Variants in DLGAP2 observed in about 807,000 individuals in gnomAD.
DLGAP2 encodes the protein disks large-associated protein 2.
DLGAP2 carries 26 observed loss-of-function variants against 100.3 expected under a neutral mutation model. That is an observed-to-expected ratio of 0.26 (90% CI 0.19 to 0.36). DLGAP2 has a LOEUF of 0.36. DLGAP2 is among the 10% of genes least tolerant of loss of function. The pLI is 1.00. For missense variants in DLGAP2, 1,858 were observed against 1,453.2 expected, an observed-to-expected ratio of 1.28 and a Z score of -4.53; for synonymous variants, 886 against 630.1, an observed-to-expected ratio of 1.41 and a Z score of -6.08.
chr8:1,128,364 G>A (rs1217439334), intron 2 of DLGAP2, among the ~76,000 whole-genome samples: 1 of 152,198 alleles, frequency 6.6e-6, no homozygotes, highest in African/African-American at 2.4e-5. Flanking sequence ...CCTGCTCCCG[G>A]TGTTGTGTTC....
intron 4 of DLGAP2, among the ~76,000 whole-genome samples, chr8:1,506,526 G>A (rs777964610): frequency 1.3e-5 from 2 of 152,188 alleles, no homozygotes; most frequent in African/African-American, 2.4e-5. Context: ...AAGGAGTGCG[G>A]ACCCAAAGAG....
chr8:931,677 C>T (rs1008704710), intron 2 of DLGAP2, among the ~76,000 whole-genome samples: 2 of 152,172 alleles, frequency 1.3e-5, no homozygotes, highest in South Asian at 2.1e-4. Context: ...AAGCCCTTCC[C>T]GTCGTCCTGG....
chr8:1,585,135 A>C (rs1796076211), intron 6 of DLGAP2, among the ~76,000 whole-genome samples: 1 of 152,108 alleles, frequency 6.6e-6, no homozygotes, highest in African/African-American at 2.4e-5. Flanking sequence ...CTTAGTTAAG[A>C]GGGAGGCTCC....
chr8:828,928 G>A (rs990596241), intron 1 of DLGAP2, among the ~76,000 whole-genome samples: 2 of 152,188 alleles, frequency 1.3e-5, no homozygotes, highest in African/African-American at 4.8e-5. Flanking sequence ...GTTCCAAGAA[G>A]CAACTCTGTA....
intron 3 of DLGAP2, among the ~76,000 whole-genome samples, chr8:1,356,272 C>T (rs1196679085): frequency 6.6e-6 from 1 of 152,210 alleles, no homozygotes; most frequent in Non-Finnish European, 1.5e-5. Context: ...CACCTGCTGT[C>T]AGCTGTCCTC....
At chr8:906,578 G>A (rs902138095) in intron 1 of DLGAP2, among the ~76,000 whole-genome samples, 9 of 152,200 alleles carry the variant, frequency 5.9e-5, no homozygotes, top group Admixed American at 4.6e-4. Context: ...GGGGCTAGGA[G>A]CTCATCAGGG....
At chr8:841,306 C>T (rs1341356394) in intron 1 of DLGAP2, among the ~76,000 whole-genome samples, 8 of 152,190 alleles carry the variant, frequency 5.3e-5, no homozygotes, top group Admixed American at 3.9e-4. Context: ...TTGTGATGGT[C>T]GCTCATCCTG....
intron 5 of DLGAP2, among the ~76,000 whole-genome samples, chr8:1,556,783 A>C (rs181159306): frequency 0.013 from 1,928 of 152,316 alleles, 36 homozygotes; most frequent in African/African-American, 0.043. Context: ...AGGAAAAACC[A>C]CAACAAACAA....
rs2132631434 is a variant in DLGAP2, at chr8:785,809, CCCTCAGG to C, written c.18+47986_18+47992del. Among the ~76,000 whole-genome samples the C allele has an allele frequency of 2.5e-5, 2 of 80,024 alleles. 1 individual carries two copies. Among genetic ancestry groups the C allele is most frequent in the South Asian group, 1.2e-3 (2 of 1,662 alleles). The allele number at this position is 80,024 out of a possible 152,430, so 52.5% of individuals were successfully genotyped here. On this transcript the variant is annotated intron_variant, in intron 1 of 14. Transcript: ENST00000637795. ...CCCTCTGAGACCGGCCTCCCTCCTCCCCTCAGGCTCCTCTGAGACCGGCCTCCCTCCT... is the reference window on the plus strand; with the variant it reads ...CCCTCTGAGACCGGCCTCCCTCCTCCCTCCTCTGAGACCGGCCTCCCTCCT...
chr8:1,190,166 G>A (rs75208400), intron 2 of DLGAP2, among the ~76,000 whole-genome samples: 161 of 152,262 alleles, frequency 1.1e-3, no homozygotes, highest in African/African-American at 3.8e-3. Context: ...TTGCACTTTA[G>A]ATAAATAGAT....
At chr8:1,407,718 G>T (rs1796608339) in intron 3 of DLGAP2, among the ~76,000 whole-genome samples, 1 of 124,926 alleles carries the variant, frequency 8.0e-6, no homozygotes, top group African/African-American at 3.0e-5. Flanking sequence ...GTCGTGTATT[G>T]AGTGCTTACT....
intron 2 of DLGAP2, among the ~76,000 whole-genome samples, chr8:1,163,566 G>C (rs1796933660): frequency 6.6e-6 from 1 of 152,224 alleles, no homozygotes; most frequent in South Asian, 2.1e-4. Flanking sequence ...AGGTGCTTTT[G>C]GGGCAGAGAG....
At chr8:919,949 T>C (rs1438572911) in intron 2 of DLGAP2, among the ~76,000 whole-genome samples, 5 of 152,138 alleles carry the variant, frequency 3.3e-5, no homozygotes, top group African/African-American at 1.2e-4. Flanking sequence ...ATAACTAGCA[T>C]TGGGGTCCCC....
intron 1 of DLGAP2, among the ~76,000 whole-genome samples, chr8:744,058 C>T (rs1820552923): frequency 6.6e-6 from 1 of 152,232 alleles, no homozygotes; most frequent in African/African-American, 2.4e-5. Flanking sequence ...CCTGTTTTAG[C>T]TGAAGGAAGT....
chr8:772,858 T>C (rs1361443966), intron 1 of DLGAP2, among the ~76,000 whole-genome samples: 8 of 152,166 alleles, frequency 5.3e-5, no homozygotes, highest in Admixed American at 3.3e-4. Context: ...TCAGAGGGTT[T>C]TGTGTGTATG....
intron 2 of DLGAP2, among the ~76,000 whole-genome samples, chr8:1,026,354 A>G (rs963567119): frequency 1.6e-4 from 25 of 152,080 alleles, no homozygotes; most frequent in Non-Finnish European, 2.6e-4. Context: ...TGCCGTTCAC[A>G]TGGAAGCTCC....
chr8:1,308,714 T>C (rs1052894793), intron 3 of DLGAP2, among the ~76,000 whole-genome samples: 1 of 152,138 alleles, frequency 6.6e-6, no homozygotes, highest in Non-Finnish European at 1.5e-5. Flanking sequence ...TAATAGAAAT[T>C]AGGTTTCCCC....
At chr8:995,988 C>T (rs994565291) in intron 2 of DLGAP2, among the ~76,000 whole-genome samples, 2 of 152,294 alleles carry the variant, frequency 1.3e-5, no homozygotes, top group East Asian at 3.9e-4. Flanking sequence ...ACATCCCTCC[C>T]TTTTCCATGT....
intron 5 of DLGAP2, among the ~76,000 whole-genome samples, chr8:1,565,268 A>C (rs1802350868): frequency 6.6e-6 from 1 of 151,756 alleles, no homozygotes. Context: ...TTAAGATATA[A>C]GTATACAATA....
Sources: gnomAD v4.1 joint callset for allele counts (sites outside exome capture counted in the v4.1 genomes callset) on GRCh38, gnomAD v4.1.1 for gene constraint, MANE v1.5 for transcripts, NCBI Gene and HGNC (gene_info 2026-07-23, HGNC 2026-07-21) for gene names.